Variants in CNTN3 observed in about 807,000 individuals in gnomAD.
CNTN3 encodes contactin 3, also known as contactin-3.
CNTN3 carries 60 observed loss-of-function variants against 119.1 expected under a neutral mutation model. The observed-to-expected ratio is 0.50, with a 90% CI of 0.41 to 0.62. CNTN3 has a LOEUF of 0.62. Ranked by LOEUF, CNTN3 falls within the 20% of genes least tolerant of loss-of-function variation. The pLI is 0.00. For synonymous variants in CNTN3, 450 were observed against 438.7 expected (o/e 1.03, Z -0.32); for missense variants, 1,101 against 1,242.4 (o/e 0.89, Z 1.71).
chr3:74,389,045 G>A (rs1270190705), intron 5 of CNTN3, among the ~76,000 whole-genome samples: 1 of 152,164 alleles, frequency 6.6e-6, no homozygotes, highest in Non-Finnish European at 1.5e-5. Flanking sequence ...AACCAACTTT[G>A]TGTGCAAGTT....
At chr3:74,557,727 G>A (rs200277647) in intron 1 of CNTN3, among the ~76,000 whole-genome samples, 18 of 136,942 alleles carry the variant, frequency 1.3e-4, no homozygotes, top group Admixed American at 2.2e-4. Flanking sequence ...AGCAACAGAT[G>A]AAAAAAAAAA....
rs543548991 is a variant in CNTN3, at chr3:74,532,396, C to T, written c.-80-11204G>A. On this transcript the variant is annotated intron_variant, in intron 1 of 22. Transcript: ENST00000263665. ...CTTGAAACTGCAGATAGTACCAAAC[C>T]TTATGTATACTTTATTCTTTCCTAT... is the stretch of plus-strand genomic sequence containing the variant. Among the ~76,000 whole-genome samples, 122 of 152,042 alleles carry T rather than the reference C, an allele frequency of 8.0e-4. 1 individual carries two copies. Among genetic ancestry groups the T allele is most frequent in the African/African-American group, 2.6e-3 (108 of 41,514 alleles).
intron 1 of CNTN3, among the ~76,000 whole-genome samples, chr3:74,526,879 T>C (rs1437982428): frequency 6.6e-6 from 1 of 151,776 alleles, no homozygotes; most frequent in Non-Finnish European, 1.5e-5. Flanking sequence ...TCCTACTAGA[T>C]AATAATCTTC....
chr3:74,596,995 C>G (rs1189790247), intron 1 of CNTN3, among the ~76,000 whole-genome samples: 5 of 152,004 alleles, frequency 3.3e-5, no homozygotes, highest in Non-Finnish European at 7.4e-5. Context: ...CAGTTGGATC[C>G]CTCCCATGTT....
intron 1 of CNTN3, among the ~76,000 whole-genome samples, chr3:74,607,536 A>G (rs1439440853): frequency 6.6e-6 from 1 of 152,178 alleles, no homozygotes; most frequent in African/African-American, 2.4e-5. Flanking sequence ...ACTGATAAAC[A>G]AACATATTTG....
chr3:74,422,659 A>G (rs926594348), intron 5 of CNTN3, among the ~76,000 whole-genome samples: 1 of 152,218 alleles, frequency 6.6e-6, no homozygotes, highest in African/African-American at 2.4e-5. Flanking sequence ...TAATACTTAA[A>G]CAAAATCACT....
chr3:74,555,824 T>C (rs944314483), intron 1 of CNTN3, among the ~76,000 whole-genome samples: 21 of 152,310 alleles, frequency 1.4e-4, no homozygotes, highest in African/African-American at 5.1e-4. Context: ...TTAGTCTTGC[T>C]AGTGGTCTAT....
intron 20 of CNTN3, among the ~76,000 whole-genome samples, chr3:74,272,159 C>T (rs113967456): frequency 3.9e-5 from 6 of 152,246 alleles, no homozygotes; most frequent in African/African-American, 4.8e-5. Flanking sequence ...ACATAAAATG[C>T]ACTAACGATA....
At position 74,499,745 on chromosome 3, in the gene CNTN3, G is replaced by A. The variant is rs746481184; in HGVS notation, c.96C>T (p.Pro32=). 6.2e-7 allele frequency: 1 copy of A among 1,611,122 alleles called. No individual in the cohort carries two copies. The highest frequency in any genetic ancestry group is 8.5e-7 in the Non-Finnish European group (1 of 1,178,270). The change falls in exon 3 of 23, where the codon CCC becomes CCT. Residue 32 remains proline (P), a synonymous_variant. Transcript: ENST00000263665. ...AACCAACAGGGAAAATGCTGTTGCTGGGTTCTTTGATAAATACAGGGCCTT... is the reference window on the plus strand; with the variant it reads ...AACCAACAGGGAAAATGCTGTTGCTAGGTTCTTTGATAAATACAGGGCCTT... The part of the protein sequence containing the change: ...LLQGPVFIKE[P]SNSIFPVGSE...
At chr3:74,442,492 G>T (rs771738902) in intron 4 of CNTN3, among the ~76,000 whole-genome samples, 1 of 151,858 alleles carries the variant, frequency 6.6e-6, no homozygotes, top group Non-Finnish European at 1.5e-5. Context: ...ACCTTTTAAG[G>T]TCTAGCACGT....
chr3:74,321,592 A>G (rs1414349576), intron 13 of CNTN3, among the ~76,000 whole-genome samples: 3 of 152,110 alleles, frequency 2.0e-5, no homozygotes, highest in Admixed American at 2.0e-4. Context: ...CAAGTCAACA[A>G]AGGAAATCAG....
intron 4 of CNTN3, among the ~76,000 whole-genome samples, chr3:74,440,493 A>AG (rs1701945180): frequency 6.6e-6 from 1 of 151,952 alleles, no homozygotes; most frequent in South Asian, 2.1e-4. Flanking sequence ...CAAAAAAAAA[A>AG]AAAAGTCTCC....
chr3:74,434,255 C>T (rs947591543), intron 4 of CNTN3, among the ~76,000 whole-genome samples: 2 of 152,162 alleles, frequency 1.3e-5, no homozygotes, highest in Non-Finnish European at 2.9e-5. Context: ...CCTCACAGGG[C>T]TTTTCAAGAG....
intron 4 of CNTN3, among the ~76,000 whole-genome samples, chr3:74,462,549 G>T (rs1212950109): frequency 6.6e-6 from 1 of 151,984 alleles, no homozygotes; most frequent in Non-Finnish European, 1.5e-5. Context: ...AAATTAGATT[G>T]GATATCAGCC....
chr3:74,450,054 AC>A (rs1225164669), intron 4 of CNTN3, among the ~76,000 whole-genome samples: 4 of 152,224 alleles, frequency 2.6e-5, no homozygotes, highest in South Asian at 4.1e-4. Flanking sequence ...AATAGCCCTT[AC>A]CTAAGAAACA....
intron 1 of CNTN3, among the ~76,000 whole-genome samples, chr3:74,595,534 T>C (rs1208468369): frequency 2.6e-5 from 4 of 152,064 alleles, no homozygotes; most frequent in African/African-American, 9.7e-5. Context: ...GCTGGTTCAA[T>C]ATATGCGAAT....
chr3:74,278,629 A>G, intron 20 of CNTN3, among the ~76,000 whole-genome samples: 1 of 152,220 alleles, frequency 6.6e-6, no homozygotes. Context: ...AAGGACTTAA[A>G]TCTAACACCT....
chr3:74,466,166 TGA>T (rs1702457055), intron 4 of CNTN3, among the ~76,000 whole-genome samples: 2 of 151,954 alleles, frequency 1.3e-5, no homozygotes, highest in Non-Finnish European at 2.9e-5. Context: ...AGAAAATACG[TGA>T]GTTTAGTGGG....
At chr3:74,457,986 A>G (rs570385383) in intron 4 of CNTN3, among the ~76,000 whole-genome samples, 1 of 152,170 alleles carries the variant, frequency 6.6e-6, no homozygotes, top group South Asian at 2.1e-4. Context: ...ACAATTTATC[A>G]TGTATACTAA....
Sources: gnomAD v4.1 joint callset for allele counts (sites outside exome capture counted in the v4.1 genomes callset) on GRCh38, gnomAD v4.1.1 for gene constraint, MANE v1.5 for transcripts, NCBI Gene and HGNC (gene_info 2026-07-23, HGNC 2026-07-21) for gene names.